GTF3C2: variants seen among roughly 807,000 people sequenced by gnomAD.
GTF3C2 encodes the protein general transcription factor IIIC subunit 2.
A neutral mutation model predicts 117.4 loss-of-function variants in GTF3C2; 17 were observed. The ratio of observed to expected loss-of-function variants is 0.14; its 90% CI spans 0.10 to 0.22. The LOEUF (loss-of-function observed/expected upper bound fraction) is 0.22, where lower values mean the gene tolerates loss of function less well. Ranked by LOEUF, GTF3C2 falls within the 10% of genes least tolerant of loss-of-function variation. The pLI, the probability that GTF3C2 is intolerant of heterozygous loss-of-function variation, is 1.00. For synonymous variants in GTF3C2, 437 were observed against 427.0 expected (o/e 1.02, Z -0.29); for missense variants, 888 against 1,143.6 (o/e 0.78, Z 3.22).
chr2:27,344,154 A>C (rs867744272), intron 1 of GTF3C2, among the ~76,000 whole-genome samples: 6 of 151,802 alleles, frequency 4.0e-5, no homozygotes, highest in Non-Finnish European at 4.4e-5. Flanking sequence ...CCTCCTGAGT[A>C]GCTGGGATCA....
chr2:27,343,218 C>A (rs996504011), intron 2 of GTF3C2, 71 bp from the exon 3 acceptor site: 4 of 1,519,650 alleles, frequency 2.6e-6, no homozygotes, highest in African/African-American at 2.8e-5. Flanking sequence ...TTACACTGTA[C>A]CCAGGTTTGT....
rs777643601 is a variant in GTF3C2, at chr2:27,328,071, T to C, written c.2375A>G (p.Asn792Ser). 4.9e-5 allele frequency: 79 copies of C among 1,611,130 alleles called. No homozygotes were observed. The highest frequency in any genetic ancestry group is 5.9e-5 in the Non-Finnish European group (69 of 1,179,174). Residue 792 changes from asparagine to serine, a missense_variant, in exon 17 of 19, where the codon AAC (asparagine) becomes AGC (serine). This residue lies in a region of GTF3C2 where 129 missense variants were observed against 156.0 expected (regional missense o/e 0.83). Coordinates refer to ENST00000264720, the Ensembl canonical transcript of GTF3C2. ...GTCTTGAAAGAGCAAGTAGTGATGG[T>C]TGACAGTTTCAGTGTAAGTTCGAGC...
rs1464769828 is a variant in GTF3C2, at chr2:27,335,913, G to A, written c.1467+4C>T. 1 of 1,574,506 alleles carries A rather than the reference G, an allele frequency of 6.4e-7. No individual in the cohort carries two copies. The highest frequency in any genetic ancestry group is 8.7e-7 in the Non-Finnish European group (1 of 1,143,856). ...GGGCCATCCCACAGTTGACTGGGAA[G>A]TACCTTCCGAGGGGTGCCTGGAAGT... On this transcript the variant is annotated splice_donor_region_variant and intron_variant, in intron 9 of 18. Transcript: ENST00000264720.
At chr2:27,328,638 CAG>C in intron 15 of GTF3C2, 42 bp from the exon 16 acceptor site, 2 of 1,551,352 alleles carry the variant, frequency 1.3e-6, no homozygotes, top group Non-Finnish European at 1.8e-6. Context: ...TATATTCATT[CAG>C]AGCTATGAAC....
At chr2:27,338,986 CTGAT>C (rs1195847681) in intron 4 of GTF3C2, among the ~76,000 whole-genome samples, 2 of 152,160 alleles carry the variant, frequency 1.3e-5, no homozygotes, top group East Asian at 3.8e-4. Context: ...ATCTTTATGC[CTGAT>C]TATCAAGTTT....
At position 27,346,700 on chromosome 2, in the gene GTF3C2, AT is replaced by A. The variant is rs541988647; in HGVS notation, c.-24-3123del. ...TTTTAATTTTTAAAAATTAAAAAAAATTTTTTTTTTCTGAGTCAGGATCTCG... is the reference window on the plus strand; with the variant it reads ...TTTTAATTTTTAAAAATTAAAAAAAATTTTTTTTTCTGAGTCAGGATCTCG... On this transcript the variant is annotated intron_variant, in intron 1 of 18. Transcript: ENST00000264720. 1.8e-3 allele frequency among the ~76,000 whole-genome samples: 260 copies of A among 148,238 alleles called. 1 individual carries two copies. Among genetic ancestry groups the A allele is most frequent in the South Asian group, 3.0e-3 (14 of 4,676 alleles).
intron 1 of GTF3C2, among the ~76,000 whole-genome samples, chr2:27,353,753 CCT>C (rs771753998): frequency 1.9e-4 from 29 of 151,856 alleles, no homozygotes; most frequent in Admixed American, 2.6e-4. Flanking sequence ...ATTTATTTCC[CCT>C]GTCACCCAGG....
intron 4 of GTF3C2, among the ~76,000 whole-genome samples, chr2:27,338,579 G>T (rs1680591517): frequency 6.6e-6 from 1 of 152,138 alleles, no homozygotes; most frequent in African/African-American, 2.4e-5. Context: ...TGCCCAGGCT[G>T]GAGTGCAGTG....
intron 1 of GTF3C2, among the ~76,000 whole-genome samples, chr2:27,354,924 CTCT>C (rs1475585092): frequency 2.0e-5 from 3 of 152,138 alleles, no homozygotes; most frequent in Non-Finnish European, 4.4e-5. Context: ...TAGTACAAAT[CTCT>C]TCATTAATTC....
intron 10 of GTF3C2, 146 bp downstream of exon 10, chr2:27,335,452 G>A (rs1280906150): frequency 4.2e-6 from 3 of 715,090 alleles, no homozygotes; most frequent in Non-Finnish European, 7.8e-6. Flanking sequence ...GAACAAACCT[G>A]AGTCACAATG....
At chr2:27,342,503 A>AG (rs1296012626) in intron 3 of GTF3C2, 2 of 540,466 alleles carry the variant, frequency 3.7e-6, no homozygotes, top group Non-Finnish European at 6.6e-6. Context: ...CCACAGTCAA[A>AG]GAACACAGAG....
At chr2:27,335,428 G>C (rs1227982047) in intron 10 of GTF3C2, 170 bp downstream of exon 10, 1 of 714,168 alleles carries the variant, frequency 1.4e-6, no homozygotes, top group Non-Finnish European at 2.6e-6. Flanking sequence ...GACTGCAAAA[G>C]AGAGAGGGCT....
chr2:27,356,007 TAA>T lies in GTF3C2; in HGVS notation c.-25+730_-25+731del, dbSNP rs1384177937. On this transcript the variant is annotated intron_variant, in intron 1 of 18. Transcript: ENST00000264720. ...ATTCAGAAAACAATAGTACAATTGATAAGAGATTGCAAAAATAGTGATGGCAC... is the reference window on the plus strand; with the variant it reads ...ATTCAGAAAACAATAGTACAATTGATGAGATTGCAAAAATAGTGATGGCAC... 7.1e-6 allele frequency: 6 copies of T among 841,186 alleles called. No homozygotes were observed. The Admixed American group carries it at 1.4e-4, about 20-fold the overall frequency. The allele number at this position is 841,186 out of a possible 1,614,324, so 52.1% of individuals were successfully genotyped here.
At chr2:27,348,058 C>G (rs748937701) in intron 1 of GTF3C2, among the ~76,000 whole-genome samples, 6 of 152,184 alleles carry the variant, frequency 3.9e-5, no homozygotes, top group Non-Finnish European at 7.3e-5. Context: ...ATCACGAGGT[C>G]AAGAGTTTGA....
At chr2:27,336,732 T>C in intron 7 of GTF3C2, 1 of 325,694 alleles carries the variant, frequency 3.1e-6, no homozygotes, top group Non-Finnish European at 5.7e-6. Flanking sequence ...CCTCAGCCTC[T>C]GGAGTAGCTG....
chr2:27,326,475 G>A, exon 19 of GTF3C2: 2 of 600,450 alleles, frequency 3.3e-6, no homozygotes. Flanking sequence ...GGTGGAGGGA[G>A]AGCCCCCCTG....
chr2:27,352,276 T>A (rs781500716), intron 1 of GTF3C2, among the ~76,000 whole-genome samples: 1 of 152,314 alleles, frequency 6.6e-6, no homozygotes, highest in East Asian at 1.9e-4. Flanking sequence ...GCAATCCCAC[T>A]TTCTCTCTAG....
rs1239183491 is a variant in GTF3C2, at chr2:27,342,759, A to G, written c.569+67T>C. On this transcript the variant is annotated intron_variant, in intron 3 of 18. Transcript: ENST00000264720. ...AATACCTCATCAGTCTTCTCTCTCC[A>G]ACATCTGCCCCACCCTGATCCCTTC... 4.1e-6 allele frequency: 5 copies of G among 1,214,686 alleles called. No individual in the cohort carries two copies. In the African/African-American group the frequency reaches 4.5e-5, roughly 11 times the overall value. 75.2% of individuals were successfully genotyped at this position (1,214,686 alleles called of 1,614,324 possible). A position where few individuals can be genotyped will look rare whatever the true frequency, so the allele number is the denominator to read the frequency against.
At chr2:27,348,085 T>C (rs1038837785) in intron 1 of GTF3C2, among the ~76,000 whole-genome samples, 1 of 152,084 alleles carries the variant, frequency 6.6e-6, no homozygotes, top group Non-Finnish European at 1.5e-5. Flanking sequence ...CTGGCCAACA[T>C]GGTGAAACCC....
Sources: gnomAD v4.1 joint callset for allele counts (sites outside exome capture counted in the v4.1 genomes callset) on GRCh38, gnomAD v4.1.1 for gene constraint, gnomAD v4.1.1 regional missense constraint, MANE v1.5 for transcripts, NCBI Gene and HGNC (gene_info 2026-07-23, HGNC 2026-07-21) for gene names.